The following SH3PXD2A variants were observed in gnomAD, a reference collection of about 807,000 sequenced individuals.
SH3PXD2A encodes SH3 and PX domains 2A, also known as SH3 and PX domain-containing protein 2A.
Under a neutral mutation model 115.2 loss-of-function variants are expected in SH3PXD2A, and 32 were observed. The ratio of observed to expected loss-of-function variants is 0.28; its 90% CI spans 0.21 to 0.37. The LOEUF (loss-of-function observed/expected upper bound fraction) is 0.37. SH3PXD2A is among the 10% of genes least tolerant of loss of function. The pLI is 1.00. For missense variants in SH3PXD2A, 1,328 were observed against 1,498.7 expected (o/e 0.89, Z 1.88); for synonymous variants, 610 against 629.1 (o/e 0.97, Z 0.45).
chr10:103,647,417 C>T (rs973847109), intron 8 of SH3PXD2A, among the ~76,000 whole-genome samples: 1 of 152,100 alleles, frequency 6.6e-6, no homozygotes, highest in African/African-American at 2.4e-5. Flanking sequence ...GTGGAGAGAC[C>T]AGGGTGTGGA....
chr10:103,615,089 G>A (rs924000256), intron 11 of SH3PXD2A, among the ~76,000 whole-genome samples: 1 of 152,218 alleles, frequency 6.6e-6, no homozygotes, highest in Non-Finnish European at 1.5e-5. Flanking sequence ...AATCTTATGT[G>A]AGCCAACAAC....
chr10:103,830,761 T>C (rs1465869035), intron 1 of SH3PXD2A, among the ~76,000 whole-genome samples: 1 of 152,174 alleles, frequency 6.6e-6, no homozygotes, highest in Non-Finnish European at 1.5e-5. Context: ...ACCATGTATA[T>C]AGATTACCAA....
chr10:103,639,094 C>A lies in SH3PXD2A; in HGVS notation c.605-11892G>T, dbSNP rs879411691. Among the ~76,000 whole-genome samples, 3 of 152,144 alleles carry A rather than the reference C, an allele frequency of 2.0e-5. No individual in the cohort carries two copies. In the East Asian group the frequency reaches 5.8e-4, roughly 29 times the overall value. On this transcript the variant is annotated intron_variant, in intron 8 of 14. Transcript: ENST00000369774. ...CGGCTGCTTGCAGGGGGACTTGGCA[C>A]GAGACTGCTTGTGCTGGGTGCGGCA...
At chr10:103,725,274 G>T (rs1456478915) in intron 4 of SH3PXD2A, among the ~76,000 whole-genome samples, 1 of 152,118 alleles carries the variant, frequency 6.6e-6, no homozygotes, top group Non-Finnish European at 1.5e-5. Flanking sequence ...GTGGGCAGGG[G>T]CATGACTAGC....
chr10:103,652,586 C>T (rs1176107774), intron 8 of SH3PXD2A, among the ~76,000 whole-genome samples: 4 of 152,204 alleles, frequency 2.6e-5, no homozygotes, highest in African/African-American at 2.4e-5. Context: ...ATTTCCCAAC[C>T]CAAATTCCCC....
chr10:103,732,753 GCAGGT>G (rs2038336379), intron 4 of SH3PXD2A, among the ~76,000 whole-genome samples: 1 of 152,232 alleles, frequency 6.6e-6, no homozygotes, highest in Non-Finnish European at 1.5e-5. Context: ...GACCAGCCAA[GCAGGT>G]GGGCTATGCA....
At chr10:103,617,428 C>T in intron 10 of SH3PXD2A, 114 bp from the exon 11 acceptor site, 1 of 741,606 alleles carries the variant, frequency 1.3e-6, no homozygotes. Flanking sequence ...CAAGAAGGTC[C>T]ACTGGGTTGG....
At position 103,597,075 on chromosome 10, in the gene SH3PXD2A, C is replaced by T. The variant is rs1431448031; in HGVS notation, c.*4741G>A. Reference sequence around the variant, plus strand: ...GTGGGAAGTTTTGTCTGCAGAGAAACTTGAATAGACCCCCCGACTCTTCCC... The same window carrying T: ...GTGGGAAGTTTTGTCTGCAGAGAAATTTGAATAGACCCCCCGACTCTTCCC... On this transcript the variant is annotated 3_prime_UTR_variant, in exon 15 of 15. Transcript: ENST00000369774. The T allele has an allele frequency of 6.6e-6, 1 of 152,570 alleles. No individual in the cohort carries two copies. The highest frequency in any genetic ancestry group is 2.4e-5 in the African/African-American group (1 of 41,408). The allele number at this position is 152,570 out of a possible 1,614,324, so 9.5% of individuals were successfully genotyped here.
chr10:103,792,206 T>C (rs2039042785), intron 2 of SH3PXD2A, among the ~76,000 whole-genome samples: 1 of 152,232 alleles, frequency 6.6e-6, no homozygotes, highest in Non-Finnish European at 1.5e-5. Flanking sequence ...TGTCAACTAA[T>C]AATTACTTTT....
intron 9 of SH3PXD2A, among the ~76,000 whole-genome samples, chr10:103,624,299 G>A (rs1027775536): frequency 1.3e-5 from 2 of 152,334 alleles, no homozygotes; most frequent in Admixed American, 6.5e-5. Flanking sequence ...GGTCTGTTCC[G>A]CATGTCCCAA....
chr10:103,685,658 T>G (rs1173987177), intron 6 of SH3PXD2A, among the ~76,000 whole-genome samples: 1 of 152,196 alleles, frequency 6.6e-6, no homozygotes, highest in African/African-American at 2.4e-5. Flanking sequence ...GCTGGAGTTA[T>G]CACTTCAGGA....
intron 5 of SH3PXD2A, 40 bp from the exon 6 acceptor site, chr10:103,693,096 G>C (rs1459868584): frequency 6.2e-7 from 1 of 1,601,338 alleles, no homozygotes; most frequent in Non-Finnish European, 8.5e-7. Flanking sequence ...GGTTAGGGCC[G>C]GGCGCGAGCG....
intron 8 of SH3PXD2A, among the ~76,000 whole-genome samples, chr10:103,629,647 C>T (rs2036749142): frequency 6.6e-6 from 1 of 152,226 alleles, no homozygotes; most frequent in South Asian, 2.1e-4. Context: ...ACAAGAGGCG[C>T]CATTCCTTCC....
At chr10:103,807,908 C>T (rs192067282) in intron 1 of SH3PXD2A, among the ~76,000 whole-genome samples, 7 of 152,306 alleles carry the variant, frequency 4.6e-5, no homozygotes, top group East Asian at 3.9e-4. Flanking sequence ...ACACGATCAC[C>T]GCTCTGGCTT....
chr10:103,652,807 G>A (rs2037148644), intron 8 of SH3PXD2A, among the ~76,000 whole-genome samples: 1 of 152,154 alleles, frequency 6.6e-6, no homozygotes, highest in Non-Finnish European at 1.5e-5. Context: ...CCACTCACAG[G>A]ACACCTGTGC....
At chr10:103,642,147 CTT>C (rs35382988) in intron 8 of SH3PXD2A, among the ~76,000 whole-genome samples, 19,978 of 140,868 alleles carry the variant, frequency 0.14, 1,649 homozygotes, top group South Asian at 0.28. Flanking sequence ...AGCAATTTGC[CTT>C]TTTTTTTTTT....
intron 7 of SH3PXD2A, among the ~76,000 whole-genome samples, chr10:103,668,327 T>C (rs1464912320): frequency 6.6e-6 from 1 of 152,222 alleles, no homozygotes; most frequent in African/African-American, 2.4e-5. Flanking sequence ...CAAGGCAGCA[T>C]GGCCAGGACG....
intron 2 of SH3PXD2A, among the ~76,000 whole-genome samples, chr10:103,796,113 A>G (rs901086393): frequency 6.6e-6 from 1 of 151,846 alleles, no homozygotes; most frequent in African/African-American, 2.4e-5. Flanking sequence ...TAATCCCAAC[A>G]CTTTGGAAGA....
intron 1 of SH3PXD2A, among the ~76,000 whole-genome samples, chr10:103,832,551 C>T (rs940291992): frequency 6.6e-6 from 1 of 152,134 alleles, no homozygotes. Flanking sequence ...GGCACGTATA[C>T]ACCATGGAAT....
Sources: allele counts gnomAD v4.1 joint callset (sites outside exome capture counted in the v4.1 genomes callset), GRCh38; gene constraint gnomAD v4.1.1; transcripts MANE v1.5; gene names NCBI Gene and HGNC (gene_info 2026-07-23, HGNC 2026-07-21).